Variants in SLC5A8 observed in about 807,000 individuals in gnomAD.
The protein encoded by SLC5A8 is solute carrier family 5 member 8, also known as sodium-coupled monocarboxylate transporter 1.
A neutral mutation model predicts 71.9 loss-of-function variants in SLC5A8; 55 were observed. The observed-to-expected ratio is 0.77, with a 90% CI of 0.62 to 0.96. SLC5A8 has a LOEUF of 0.96. Ranked by LOEUF, SLC5A8 falls within the 40% of genes least tolerant of loss-of-function variation. SLC5A8 has a pLI of 0.00. For synonymous variants in SLC5A8, 307 were observed against 276.1 expected (o/e 1.11, Z -1.11); for missense variants, 701 against 745.3 (o/e 0.94, Z 0.69).
At chr12:101,202,843 AT>A (rs1869517620) in intron 2 of SLC5A8, among the ~76,000 whole-genome samples, 2 of 152,158 alleles carry the variant, frequency 1.3e-5, no homozygotes, top group South Asian at 4.1e-4. Context: ...TCAAAATGTA[AT>A]TTTGATTGCA....
chr12:101,160,276 T>G (rs761042146), intron 13 of SLC5A8, among the ~76,000 whole-genome samples: 4 of 152,210 alleles, frequency 2.6e-5, no homozygotes, highest in Non-Finnish European at 5.9e-5. Flanking sequence ...ATTTTATTTT[T>G]GAGAAAGAGC....
At chr12:101,158,824 T>C (rs1167609202) in intron 13 of SLC5A8, among the ~76,000 whole-genome samples, 2 of 150,846 alleles carry the variant, frequency 1.3e-5, no homozygotes, top group African/African-American at 2.4e-5. Context: ...CCCCACTTTG[T>C]TGGCTACAAA....
At chr12:101,174,917 A>G (rs1021911999) in intron 10 of SLC5A8, among the ~76,000 whole-genome samples, 1 of 152,242 alleles carries the variant, frequency 6.6e-6, no homozygotes, top group African/African-American at 2.4e-5. Context: ...TTCAACAGAA[A>G]TTAACTTTTC....
intron 4 of SLC5A8, 96 bp downstream of exon 4, chr12:101,194,999 G>C: frequency 8.6e-7 from 1 of 1,163,818 alleles, no homozygotes. Context: ...AGGAGAGTAA[G>C]TGTGGACAAA....
chr12:101,204,391 C>G, intron 2 of SLC5A8, 109 bp downstream of exon 2: 1 of 931,576 alleles, frequency 1.1e-6, no homozygotes, highest in Non-Finnish European at 1.7e-6. Flanking sequence ...CTCATTTTTT[C>G]AACATCTCTT....
At chr12:101,187,934 G>C (rs1264760217) in intron 6 of SLC5A8, among the ~76,000 whole-genome samples, 1 of 152,208 alleles carries the variant, frequency 6.6e-6, no homozygotes, top group African/African-American at 2.4e-5. Context: ...CATTTACACA[G>C]TAACTCATGA....
At chr12:101,175,904 G>A (rs1167783844) in intron 10 of SLC5A8, among the ~76,000 whole-genome samples, 1 of 151,802 alleles carries the variant, frequency 6.6e-6, no homozygotes, top group Non-Finnish European at 1.5e-5. Flanking sequence ...GTAGAAAGAA[G>A]GAACCACAGA....
chr12:101,168,793 G>A (rs1332016917), intron 10 of SLC5A8, among the ~76,000 whole-genome samples: 2 of 152,308 alleles, frequency 1.3e-5, no homozygotes, highest in South Asian at 4.1e-4. Context: ...AACATCGCAT[G>A]AGGCAAAGCA....
intron 3 of SLC5A8, among the ~76,000 whole-genome samples, chr12:101,198,357 CT>C (rs1350600019): frequency 6.6e-6 from 1 of 151,566 alleles, no homozygotes. Flanking sequence ...AACACTGATT[CT>C]TAGAAGAGAT....
In SLC5A8 at chr12:101,155,627, C is replaced by G. The variant is rs1409439142; in HGVS notation, c.*1652G>C. ...TCAGCTTCCCTAATAACTGGGACTA[C>G]AAGTATGTGGCAACATGCCTAGCTA... On this transcript the variant is annotated 3_prime_UTR_variant, in exon 15 of 15. Coordinates refer to ENST00000536262, the MANE Select transcript of SLC5A8 (RefSeq NM_145913.5). 6.6e-6 allele frequency: 1 copy of G among 151,674 alleles called. No homozygotes were observed. The highest frequency in any genetic ancestry group is 1.5e-5 in the Non-Finnish European group (1 of 67,948). The allele number at this position is 151,674 out of a possible 1,614,324, so 9.4% of individuals were successfully genotyped here.
At chr12:101,184,681 C>T (rs1315546499) in intron 7 of SLC5A8, among the ~76,000 whole-genome samples, 1 of 152,088 alleles carries the variant, frequency 6.6e-6, no homozygotes, top group Non-Finnish European at 1.5e-5. Context: ...ATCCACTTAA[C>T]TTTACTTGAT....
chr12:101,163,630 G>C (rs1046263641), intron 12 of SLC5A8, among the ~76,000 whole-genome samples: 3 of 152,162 alleles, frequency 2.0e-5, no homozygotes, highest in Non-Finnish European at 4.4e-5. Flanking sequence ...TTGAACTCGA[G>C]CCTGGGCAAC....
At chr12:101,196,945 G>C (rs781000314) in intron 3 of SLC5A8, among the ~76,000 whole-genome samples, 3 of 152,196 alleles carry the variant, frequency 2.0e-5, no homozygotes, top group Non-Finnish European at 2.9e-5. Context: ...CACCCCGCAA[G>C]TGAGTCCAAT....
chr12:101,206,588 A>T (rs1466916223), intron 1 of SLC5A8, among the ~76,000 whole-genome samples: 1 of 152,204 alleles, frequency 6.6e-6, no homozygotes, highest in East Asian at 1.9e-4. Context: ...ATACCCGGAG[A>T]CTGGACCAGA....
chr12:101,168,010 T>C, intron 11 of SLC5A8, 86 bp downstream of exon 11: 1 of 1,281,732 alleles, frequency 7.8e-7, no homozygotes, highest in Non-Finnish European at 1.1e-6. Flanking sequence ...ATGACAAATC[T>C]CAAAGGAACC....
intron 10 of SLC5A8, among the ~76,000 whole-genome samples, chr12:101,173,923 G>C (rs1479818248): frequency 6.6e-6 from 1 of 152,188 alleles, no homozygotes; most frequent in African/African-American, 2.4e-5. Context: ...CTCCACCTCT[G>C]CTTCCTCCTC....
intron 3 of SLC5A8, among the ~76,000 whole-genome samples, chr12:101,195,995 G>A (rs896515200): frequency 1.3e-5 from 2 of 152,038 alleles, no homozygotes; most frequent in East Asian, 1.9e-4. Context: ...GCGCCTGGCC[G>A]GTAATGCTTT....
At chr12:101,206,272 T>C (rs928896304) in intron 1 of SLC5A8, among the ~76,000 whole-genome samples, 1 of 152,166 alleles carries the variant, frequency 6.6e-6, no homozygotes, top group Non-Finnish European at 1.5e-5. Flanking sequence ...ACTGGAGAAG[T>C]TTATTAAGTC....
intron 6 of SLC5A8, 134 bp from the exon 7 acceptor site, chr12:101,187,649 A>T (rs1457167449): frequency 7.4e-6 from 7 of 947,522 alleles, no homozygotes; most frequent in Non-Finnish European, 1.0e-5. Flanking sequence ...ATTATCGAAA[A>T]CTCTACTTAT....
Sources: allele counts gnomAD v4.1 joint callset (sites outside exome capture counted in the v4.1 genomes callset), GRCh38; gene constraint gnomAD v4.1.1; transcripts MANE v1.5; gene names NCBI Gene and HGNC (gene_info 2026-07-23, HGNC 2026-07-21).